Variants in STX17 observed in about 807,000 individuals in gnomAD.
The protein encoded by STX17 is syntaxin-17.
STX17 carries 29 observed loss-of-function variants against 35.9 expected under a neutral mutation model. The observed-to-expected ratio is 0.81, with a 90% confidence interval of 0.60 to 1.10. STX17 has a LOEUF of 1.10. STX17 is among the 50% of genes least tolerant of loss of function. The pLI is 0.00. For synonymous variants in STX17, 92 were observed against 118.3 expected (o/e 0.78, Z 1.44); for missense variants, 312 against 352.3 (o/e 0.89, Z 0.92).
intron 2 of STX17, among the ~76,000 whole-genome samples, chr9:99,920,241 T>C (rs1828861717): frequency 6.6e-6 from 1 of 152,204 alleles, no homozygotes; most frequent in Non-Finnish European, 1.5e-5. Flanking sequence ...AAAACCTGTT[T>C]GGGGTGTGGA....
At chr9:99,959,221 T>C (rs1399090379) in intron 4 of STX17, among the ~76,000 whole-genome samples, 1 of 152,090 alleles carries the variant, frequency 6.6e-6, no homozygotes, top group Admixed American at 6.6e-5. Context: ...TTTGTAGCCA[T>C]TTTTTAAATG....
intron 4 of STX17, among the ~76,000 whole-genome samples, chr9:99,952,446 T>G (rs1829621004): frequency 6.6e-6 from 1 of 152,150 alleles, no homozygotes; most frequent in African/African-American, 2.4e-5. Flanking sequence ...TGTAAACTAG[T>G]TCAACCATTG....
rs1284813625 is a variant in STX17 at position 99,972,858 on chromosome 9, C to T, written c.*4185C>T. On this transcript the variant is annotated 3_prime_UTR_variant, in exon 8 of 8. Transcript: ENST00000259400. ...GAAAAGCCTGGGGGGAGGTTCTCCT[C>T]GGAAATGAGGTGGTTTTTTTTGTTA... 1.3e-5 allele frequency among the ~76,000 whole-genome samples: 2 copies of T among 152,026 alleles called. No individual in the cohort carries two copies. The highest frequency in any genetic ancestry group is 2.9e-5 in the Non-Finnish European group (2 of 68,012).
intron 6 of STX17, among the ~76,000 whole-genome samples, chr9:99,966,777 A>C (rs1829920405): frequency 6.6e-6 from 1 of 152,260 alleles, no homozygotes; most frequent in Admixed American, 6.5e-5. Context: ...TATCTAAATA[A>C]AGTTGAATTA....
chr9:99,937,329 T>G (rs1298952031), intron 3 of STX17, among the ~76,000 whole-genome samples: 2 of 152,198 alleles, frequency 1.3e-5, no homozygotes, highest in East Asian at 3.8e-4. Context: ...TGGCCATTAT[T>G]CATATATTTT....
intron 3 of STX17, among the ~76,000 whole-genome samples, chr9:99,940,624 G>A (rs143034544): frequency 9.2e-5 from 14 of 151,624 alleles, no homozygotes; most frequent in African/African-American, 3.1e-4. Context: ...GATTACAGGC[G>A]CACACCACCA....
At chr9:99,947,205 G>A (rs1829503460) in intron 3 of STX17, among the ~76,000 whole-genome samples, 1 of 151,710 alleles carries the variant, frequency 6.6e-6, no homozygotes, top group Admixed American at 6.6e-5. Flanking sequence ...TTCTTGAACT[G>A]GGCCTAATAT....
intron 3 of STX17, 50 bp from the exon 4 acceptor site, chr9:99,951,010 G>T: frequency 6.8e-7 from 1 of 1,463,694 alleles, no homozygotes. Context: ...TGAAAAGAAA[G>T]ATATCTTATA....
chr9:99,921,563 G>A (rs1327432734), intron 2 of STX17, among the ~76,000 whole-genome samples: 1 of 150,520 alleles, frequency 6.6e-6, no homozygotes, highest in Non-Finnish European at 1.5e-5. Flanking sequence ...AAGGGCCAGA[G>A]CACACTGGTA....
chr9:99,965,292 A>C (rs940511012), intron 6 of STX17, among the ~76,000 whole-genome samples: 54 of 152,338 alleles, frequency 3.5e-4, no homozygotes, highest in Admixed American at 5.9e-4. Context: ...AAGTCATAGA[A>C]GTACAATATC....
Sources: allele counts gnomAD v4.1 joint callset (sites outside exome capture counted in the v4.1 genomes callset), GRCh38; gene constraint gnomAD v4.1.1; transcripts MANE v1.5; gene names NCBI Gene and HGNC (gene_info 2026-07-23, HGNC 2026-07-21).